Variants in RALGPS1 observed in about 807,000 individuals in gnomAD.
RALGPS1 encodes the protein Ral GEF with PH domain and SH3 binding motif 1, also known as ras-specific guanine nucleotide-releasing factor RalGPS1.
In RALGPS1, 19 loss-of-function variants were observed where a neutral mutation model predicts 78.8. That is an observed-to-expected ratio of 0.24 (90% CI 0.17 to 0.35). The LOEUF (loss-of-function observed/expected upper bound fraction) is 0.35, where lower values mean the gene tolerates loss of function less well. Ranked by LOEUF, RALGPS1 falls within the 10% of genes least tolerant of loss-of-function variation. The pLI, the probability that RALGPS1 is intolerant of heterozygous loss-of-function variation, is 1.00. For missense variants in RALGPS1, 454 were observed against 688.3 expected, an observed-to-expected ratio of 0.66 and a Z score of 3.81; for synonymous variants, 228 against 256.3, an observed-to-expected ratio of 0.89 and a Z score of 1.06.
intron 10 of RALGPS1, among the ~76,000 whole-genome samples, chr9:127,171,900 C>T (rs1381699252): frequency 6.6e-6 from 1 of 152,214 alleles, no homozygotes; most frequent in Non-Finnish European, 1.5e-5. Context: ...TCTCCCCTTC[C>T]TTAACCTCCA....
intron 11 of RALGPS1, among the ~76,000 whole-genome samples, chr9:127,181,090 G>GCCACACTCTGCA (rs1564734642): frequency 1.3e-5 from 2 of 152,230 alleles, no homozygotes; most frequent in Non-Finnish European, 2.9e-5. Context: ...CCTTACTGCT[G>GCCACACTCTGCA]CCACACTCTG....
chr9:126,952,656 A>AGAGAGAGAGAGT (rs1554763340), intron 1 of RALGPS1, among the ~76,000 whole-genome samples: 9 of 138,920 alleles, frequency 6.5e-5, no homozygotes, highest in South Asian at 2.3e-4. Context: ...AGAGAGAGAG[A>AGAGAGAGAGAGT]GTGTGTGTGT....
rs1368163549 is a variant in RALGPS1, at chr9:126,946,201, C to T, written c.-65-16024C>T. Among the ~76,000 whole-genome samples, 5 of 152,176 alleles carry T rather than the reference C, an allele frequency of 3.3e-5. No individual in the cohort carries two copies. The East Asian group carries it at 9.7e-4, about 29-fold the overall frequency. ...AGACAGTACCCCTTCTAGTTCCAGA[C>T]AATGTTGCCTGCTGATACTCAAAGC... On this transcript the variant is annotated intron_variant, in intron 1 of 18. Coordinates refer to ENST00000259351, the MANE Select transcript of RALGPS1 (RefSeq NM_014636.3).
chr9:127,151,802 A>G (rs2058438971), intron 8 of RALGPS1, among the ~76,000 whole-genome samples: 2 of 152,096 alleles, frequency 1.3e-5, no homozygotes, highest in Non-Finnish European at 2.9e-5. Context: ...TCTGAGTTCT[A>G]TCCCTAGATA....
intron 1 of RALGPS1, among the ~76,000 whole-genome samples, chr9:126,937,736 A>G (rs144498548): frequency 3.1e-4 from 47 of 152,318 alleles, no homozygotes; most frequent in African/African-American, 8.7e-4. Flanking sequence ...CACTTCTCAG[A>G]AGTTTTACAT....
chr9:127,119,135 A>G (rs2055776189), intron 8 of RALGPS1, among the ~76,000 whole-genome samples: 1 of 152,200 alleles, frequency 6.6e-6, no homozygotes, highest in African/African-American at 2.4e-5. Flanking sequence ...ACGTGGAACA[A>G]GTCAGCCAAC....
intron 8 of RALGPS1, among the ~76,000 whole-genome samples, chr9:127,099,897 A>G (rs73595413): frequency 0.016 from 2,475 of 152,344 alleles, 77 homozygotes; most frequent in African/African-American, 0.056. Flanking sequence ...AACGATGGGC[A>G]TGGTGCCTGG....
At position 127,168,571 on chromosome 9, in the gene RALGPS1, G is replaced by C. The variant is rs184953736; in HGVS notation, c.749-108G>C. 3.7e-4 allele frequency: 289 copies of C among 785,010 alleles called. No individual in the cohort carries two copies. The African/African-American group carries it at 4.8e-3, about 13-fold the overall frequency. The allele number at this position is 785,010 out of a possible 1,614,324, so 48.6% of individuals were successfully genotyped here. A position where few individuals can be genotyped will look rare whatever the true frequency, so the allele number is the denominator to read the frequency against. On this transcript the variant is annotated intron_variant, in intron 9 of 18. Transcript: ENST00000259351. Reference sequence around the variant, plus strand: ...ATCAGCAACTGCTGGAAGAGTGAATGAGTCTCAGTATCCTGGGAGCATCTA... The same window carrying C: ...ATCAGCAACTGCTGGAAGAGTGAATCAGTCTCAGTATCCTGGGAGCATCTA...
chr9:127,010,881 T>C (rs1327431087), intron 4 of RALGPS1, among the ~76,000 whole-genome samples: 1 of 152,268 alleles, frequency 6.6e-6, no homozygotes, highest in African/African-American at 2.4e-5. Flanking sequence ...GAGCTCATTC[T>C]ACAGTTTTGT....
At chr9:126,926,868 G>A (rs897063868) in intron 1 of RALGPS1, among the ~76,000 whole-genome samples, 2 of 152,086 alleles carry the variant, frequency 1.3e-5, no homozygotes, top group East Asian at 1.9e-4. Context: ...GAGGAAGGGC[G>A]ATATCAGAGT....
intron 8 of RALGPS1, among the ~76,000 whole-genome samples, chr9:127,092,899 C>T (rs910560506): frequency 7.9e-5 from 12 of 152,136 alleles, no homozygotes; most frequent in Admixed American, 5.2e-4. Flanking sequence ...GTGTGCAAGG[C>T]ATCATGGCTT....
At chr9:127,020,750 C>T (rs1459584405) in intron 4 of RALGPS1, among the ~76,000 whole-genome samples, 4 of 152,182 alleles carry the variant, frequency 2.6e-5, no homozygotes, top group Admixed American at 2.6e-4. Context: ...GCATAGCTAC[C>T]GGCCATGGAT....
At chr9:126,927,884 T>C (rs1006181533) in intron 1 of RALGPS1, among the ~76,000 whole-genome samples, 5 of 152,204 alleles carry the variant, frequency 3.3e-5, no homozygotes, top group Non-Finnish European at 7.3e-5. Flanking sequence ...ACTAACGCGA[T>C]GCGTGGGTAG....
At chr9:127,128,418 G>A (rs1335006952) in intron 8 of RALGPS1, among the ~76,000 whole-genome samples, 1 of 152,188 alleles carries the variant, frequency 6.6e-6, no homozygotes, top group Non-Finnish European at 1.5e-5. Context: ...TTCTTTCCTA[G>A]TAGAATGTGA....
At chr9:127,163,792 G>A (rs1424644518) in intron 8 of RALGPS1, among the ~76,000 whole-genome samples, 1 of 152,164 alleles carries the variant, frequency 6.6e-6, no homozygotes, top group Non-Finnish European at 1.5e-5. Context: ...TTAGTGCAGT[G>A]CTCATCTATC....
At chr9:126,982,840 C>CTTA (rs1554774354) in intron 4 of RALGPS1, among the ~76,000 whole-genome samples, 1 of 121,628 alleles carries the variant, frequency 8.2e-6, no homozygotes, top group Non-Finnish European at 1.9e-5. Context: ...TCTTCTTCTT[C>CTTA]CTTCTTTCTT....
At chr9:127,036,955 A>AG in intron 5 of RALGPS1, among the ~76,000 whole-genome samples, 1 of 152,330 alleles carries the variant, frequency 6.6e-6, no homozygotes, top group Admixed American at 6.5e-5. Flanking sequence ...TAGACTGAGA[A>AG]GCTGTGTCTC....
At chr9:126,958,158 T>TATATATATATACAC (rs1345241110) in intron 1 of RALGPS1, among the ~76,000 whole-genome samples, 1 of 121,064 alleles carries the variant, frequency 8.3e-6, no homozygotes, top group African/African-American at 2.7e-5. Context: ...TATATATATA[T>TATATATATATACAC]ACACACACAC....
chr9:127,110,697 A>T (rs1229341210), intron 8 of RALGPS1, among the ~76,000 whole-genome samples: 1 of 151,832 alleles, frequency 6.6e-6, no homozygotes, highest in East Asian at 1.9e-4. Context: ...ATAAATGTCC[A>T]CTCTGGTTGC....
Sources: gnomAD v4.1 joint callset for allele counts (sites outside exome capture counted in the v4.1 genomes callset) on GRCh38, gnomAD v4.1.1 for gene constraint, MANE v1.5 for transcripts, NCBI Gene and HGNC (gene_info 2026-07-23, HGNC 2026-07-21) for gene names.